The following SUGCT variants were observed in gnomAD, a reference collection of about 807,000 sequenced individuals.
The protein encoded by SUGCT is succinyl-CoA:glutarate-CoA transferase.
Under a neutral mutation model 55.0 loss-of-function variants are expected in SUGCT, and 41 were observed. The ratio of observed to expected loss-of-function variants is 0.74; its 90% CI spans 0.58 to 0.97. The LOEUF (loss-of-function observed/expected upper bound fraction) is 0.97, where lower values mean the gene tolerates loss of function less well. Ranked by LOEUF, SUGCT falls within the 50% of genes least tolerant of loss-of-function variation. The pLI is 0.00. For synonymous variants in SUGCT, 187 were observed against 200.4 expected (o/e 0.93, Z 0.56); for missense variants, 568 against 547.8 (o/e 1.04, Z -0.37).
At chr7:40,321,922 AT>A (rs1182283162) in intron 9 of SUGCT, among the ~76,000 whole-genome samples, 1 of 151,868 alleles carries the variant, frequency 6.6e-6, no homozygotes, top group Non-Finnish European at 1.5e-5. Context: ...TGAGATCTTG[AT>A]TTTTTTTCCT....
At chr7:40,783,848 A>G (rs1375248701) in intron 13 of SUGCT, among the ~76,000 whole-genome samples, 2 of 152,032 alleles carry the variant, frequency 1.3e-5, no homozygotes, top group African/African-American at 2.4e-5. Context: ...ACTATGGTTT[A>G]CTCTTCCAGT....
the SUGCT span, among the ~76,000 whole-genome samples, chr7:40,875,319 G>A: frequency 9.9e-5 from 15 of 152,282 alleles, no homozygotes; most frequent in South Asian, 2.9e-3. Flanking sequence ...ATGTGCTTCT[G>A]GTTTTAGTCA....
the SUGCT span, among the ~76,000 whole-genome samples, chr7:40,961,374 G>T: frequency 2.6e-5 from 4 of 152,150 alleles, no homozygotes; most frequent in Non-Finnish European, 5.9e-5. Flanking sequence ...TAGCAAGGGA[G>T]TGAGGGAGTG....
At chr7:40,708,901 A>G (rs543403822) in intron 12 of SUGCT, among the ~76,000 whole-genome samples, 130 of 152,216 alleles carry the variant, frequency 8.5e-4, no homozygotes, top group Non-Finnish European at 1.6e-3. Flanking sequence ...AGTCTCTGTC[A>G]TCAAGATGGA....
At chr7:40,798,979 C>A (rs748783014) in intron 13 of SUGCT, among the ~76,000 whole-genome samples, 1 of 152,186 alleles carries the variant, frequency 6.6e-6, no homozygotes, top group African/African-American at 2.4e-5. Context: ...CAAATCCCTG[C>A]GGATTTTTGC....
intron 12 of SUGCT, among the ~76,000 whole-genome samples, chr7:40,516,712 T>C (rs563426690): frequency 1.3e-5 from 2 of 152,248 alleles, no homozygotes; most frequent in Admixed American, 6.5e-5. Context: ...CCCATACCAC[T>C]CTGTCTTGAT....
intron 1 of SUGCT, among the ~76,000 whole-genome samples, chr7:40,176,377 T>C (rs906770836): frequency 5.9e-5 from 9 of 152,180 alleles, no homozygotes; most frequent in African/African-American, 2.2e-4. Flanking sequence ...CAGGGGGCTG[T>C]ATAGCAGGAG....
intron 6 of SUGCT, among the ~76,000 whole-genome samples, chr7:40,227,418 G>A (rs6948247): frequency 0.64 from 96,773 of 151,632 alleles, 31,450 homozygotes; most frequent in East Asian, 0.97. Context: ...TCTTACTTTG[G>A]TGATGGGATC....
chr7:40,218,908 T>TTAATAAATAA (rs1356260046), intron 6 of SUGCT, among the ~76,000 whole-genome samples: 5 of 152,174 alleles, frequency 3.3e-5, no homozygotes, highest in Admixed American at 3.3e-4. Context: ...GAATAAAAGC[T>TTAATAAATAA]GGCCACCCGA....
At chr7:40,632,707 G>A (rs1248611566) in intron 12 of SUGCT, among the ~76,000 whole-genome samples, 1 of 151,912 alleles carries the variant, frequency 6.6e-6, no homozygotes, top group African/African-American at 2.4e-5. Context: ...TCAAGTATAT[G>A]TCAGTCACAC....
chr7:40,169,533 C>A (rs1280540904), intron 1 of SUGCT, among the ~76,000 whole-genome samples: 7 of 152,160 alleles, frequency 4.6e-5, no homozygotes, highest in Non-Finnish European at 7.4e-5. Flanking sequence ...CAGGACTGTC[C>A]CCTAGGGCAG....
chr7:40,473,210 G>A (rs1265231708), intron 11 of SUGCT, among the ~76,000 whole-genome samples: 1 of 152,122 alleles, frequency 6.6e-6, no homozygotes, highest in African/African-American at 2.4e-5. Context: ...GTTGTTTACT[G>A]TATTGTTCAA....
At chr7:40,516,849 G>T (rs1447079575) in intron 12 of SUGCT, among the ~76,000 whole-genome samples, 2 of 151,742 alleles carry the variant, frequency 1.3e-5, no homozygotes, top group African/African-American at 2.4e-5. Context: ...GAAAACCTTG[G>T]CAATTTCTTG....
downstream of SUGCT, among the ~76,000 whole-genome samples, chr7:40,865,483 C>T (rs896171777): frequency 6.6e-6 from 1 of 152,192 alleles, no homozygotes; most frequent in Non-Finnish European, 1.5e-5. Flanking sequence ...TTCTCAGGCT[C>T]TCTGGCTGTA....
intron 9 of SUGCT, among the ~76,000 whole-genome samples, chr7:40,417,729 G>GTTTT (rs10626447): frequency 0.95 from 143,349 of 151,378 alleles, 68,360 homozygotes; most frequent in East Asian, 1. Flanking sequence ...TATTATTCAT[G>GTTTT]CTATTAATTA....
At chr7:40,361,414 A>T (rs1260749585) in intron 9 of SUGCT, among the ~76,000 whole-genome samples, 1 of 152,000 alleles carries the variant, frequency 6.6e-6, no homozygotes, top group Non-Finnish European at 1.5e-5. Flanking sequence ...CTCTACTAAA[A>T]ATACAAAAAA....
intron 1 of SUGCT, among the ~76,000 whole-genome samples, chr7:40,147,045 T>TCTCTGC (rs2150592546): frequency 1.9e-5 from 2 of 102,862 alleles, no homozygotes; most frequent in African/African-American, 6.1e-5. Flanking sequence ...CCTCTCTTTC[T>TCTCTGC]CTCTCTTTCT....
chr7:40,835,348 G>A (rs1287383789), intron 13 of SUGCT, among the ~76,000 whole-genome samples: 3 of 152,166 alleles, frequency 2.0e-5, no homozygotes, highest in Non-Finnish European at 4.4e-5. Context: ...GATGTGGACT[G>A]TTTTTTGTTT....
intron 6 of SUGCT, among the ~76,000 whole-genome samples, chr7:40,237,214 C>G (rs562841535): frequency 6.6e-6 from 1 of 151,302 alleles, no homozygotes; most frequent in South Asian, 2.1e-4. Context: ...GAGGCTGAGG[C>G]AGGTGGATCA....
Sources: gnomAD v4.1 joint callset for allele counts (sites outside exome capture counted in the v4.1 genomes callset) on GRCh38, gnomAD v4.1.1 for gene constraint, MANE v1.5 for transcripts, NCBI Gene and HGNC (gene_info 2026-07-23, HGNC 2026-07-21) for gene names.